CNKSR3: variants seen among roughly 807,000 people sequenced by gnomAD.
CNKSR3 encodes CNKSR family member 3.
CNKSR3 carries 36 observed loss-of-function variants against 67.7 expected under a neutral mutation model. The ratio of observed to expected loss-of-function variants is 0.53; its 90% CI spans 0.41 to 0.70. CNKSR3 has a LOEUF of 0.70. Among genes scored for constraint, CNKSR3 ranks in the 30% least tolerant of loss-of-function variants. The pLI, the probability that CNKSR3 is intolerant of heterozygous loss-of-function variation, is 0.00. For missense variants in CNKSR3, 630 were observed against 695.2 expected (o/e 0.91, Z 1.05); for synonymous variants, 281 against 271.4 (o/e 1.04, Z -0.35).
chr6:154,485,885 A>G (rs1027501403), intron 1 of CNKSR3, among the ~76,000 whole-genome samples: 1 of 152,216 alleles, frequency 6.6e-6, no homozygotes, highest in African/African-American at 2.4e-5. Context: ...TTGGCTCCCA[A>G]GAAGAACCGG....
At chr6:154,433,227 G>GA (rs1040142856) in intron 5 of CNKSR3, among the ~76,000 whole-genome samples, 18 of 150,504 alleles carry the variant, frequency 1.2e-4, no homozygotes, top group South Asian at 6.3e-4. Context: ...AAAATGTTCA[G>GA]AAAAAAAAAT....
chr6:154,475,634 A>G, intron 1 of CNKSR3, among the ~76,000 whole-genome samples: 1 of 151,928 alleles, frequency 6.6e-6, no homozygotes, highest in East Asian at 1.9e-4. Context: ...TGAAAGCTGC[A>G]CTCTCAGTCA....
chr6:154,476,457 C>CA (rs11332561), intron 1 of CNKSR3, among the ~76,000 whole-genome samples: 3,019 of 110,712 alleles, frequency 0.027, 78 homozygotes, highest in African/African-American at 0.068. Context: ...AACTATGTCT[C>CA]AAAAAAAAAA....
chr6:154,425,290 G>A (rs1262653290), intron 7 of CNKSR3, among the ~76,000 whole-genome samples: 1 of 152,310 alleles, frequency 6.6e-6, no homozygotes, highest in East Asian at 1.9e-4. Context: ...CTCTAGATGT[G>A]TAATCTTAAA....
chr6:154,409,608 T>C (rs77348479), intron 12 of CNKSR3, among the ~76,000 whole-genome samples: 3,336 of 152,246 alleles, frequency 0.022, 118 homozygotes, highest in African/African-American at 0.076. Flanking sequence ...ACACCAGCTA[T>C]TCAGGAAGCT....
At chr6:154,430,391 A>G in intron 6 of CNKSR3, 81 bp downstream of exon 6, 2 of 1,299,378 alleles carry the variant, frequency 1.5e-6, no homozygotes, top group South Asian at 3.0e-5. Context: ...TTATAGTGAA[A>G]GCAATAAGGA....
chr6:154,501,252 G>A lies in CNKSR3; in HGVS notation c.52+8811C>T, dbSNP rs552796785. The stretch of plus-strand genomic sequence containing the variant: ...CAACACCTGAATCCAAGACACCATC[G>A]CCTCCAGAATACTGCAATGCCTTCC... On this transcript the variant is annotated intron_variant, in intron 1 of 12. Coordinates refer to ENST00000607772, the MANE Select transcript of CNKSR3 (RefSeq NM_173515.4). Among the ~76,000 whole-genome samples, 43 of 152,196 alleles carry A rather than the reference G, an allele frequency of 2.8e-4. 1 individual carries two copies. In the South Asian group the frequency reaches 3.5e-3, roughly 12 times the overall value.
At chr6:154,476,128 C>T (rs1428606149) in intron 1 of CNKSR3, among the ~76,000 whole-genome samples, 4 of 152,042 alleles carry the variant, frequency 2.6e-5, no homozygotes, top group Non-Finnish European at 4.4e-5. Flanking sequence ...AAACCTATGC[C>T]ATCAAGTACA....
At chr6:154,465,575 G>A (rs1298358035) in intron 1 of CNKSR3, among the ~76,000 whole-genome samples, 1 of 152,176 alleles carries the variant, frequency 6.6e-6, no homozygotes, top group Non-Finnish European at 1.5e-5. Flanking sequence ...CACACCAGGG[G>A]ACTCACATTC....
intron 1 of CNKSR3, among the ~76,000 whole-genome samples, chr6:154,505,693 G>A (rs1787087120): frequency 6.7e-6 from 1 of 149,960 alleles, no homozygotes; most frequent in Non-Finnish European, 1.5e-5. Context: ...GTAGAGATGG[G>A]GTTTCACCAT....
chr6:154,489,693 G>C (rs1786747985), intron 1 of CNKSR3, among the ~76,000 whole-genome samples: 1 of 152,052 alleles, frequency 6.6e-6, no homozygotes, highest in Admixed American at 6.6e-5. Context: ...CCCTTCTTTG[G>C]GGGCGTGGGG....
rs1784903348 is a variant in CNKSR3, at chr6:154,411,115, T to C, written c.1098A>G (p.Gly366=). The C allele has an allele frequency of 6.2e-7, 1 of 1,612,266 alleles. No individual in the cohort carries two copies. The highest frequency in any genetic ancestry group is 2.2e-5 in the East Asian group (1 of 44,808). The change falls in exon 11 of 13, where the codon GGA becomes GGG. Residue 366 remains glycine, a synonymous_variant. Coordinates refer to ENST00000607772, the MANE Select transcript of CNKSR3 (RefSeq NM_173515.4). ...PRDENGSFVY[G]GSSKCKQPLP... is the part of the protein sequence containing the mutation. ...ATGGTTGTTTGCACTTACTGGACCC[T>C]CCATAAACAAAACTGCCATTCTCAT... is the stretch of plus-strand genomic sequence containing the variant.
chr6:154,477,671 T>C (rs1786482217), intron 1 of CNKSR3, among the ~76,000 whole-genome samples: 1 of 152,120 alleles, frequency 6.6e-6, no homozygotes, highest in Non-Finnish European at 1.5e-5. Context: ...GGAATGACAT[T>C]GATACTAGCT....
chr6:154,443,730 C>A (rs1178421741), intron 2 of CNKSR3, among the ~76,000 whole-genome samples: 1 of 152,118 alleles, frequency 6.6e-6, no homozygotes, highest in African/African-American at 2.4e-5. Flanking sequence ...GATATGGCTC[C>A]TGTTTGTACT....
At chr6:154,499,702 T>A (rs1436237445) in intron 1 of CNKSR3, among the ~76,000 whole-genome samples, 1 of 152,172 alleles carries the variant, frequency 6.6e-6, no homozygotes, top group African/African-American at 2.4e-5. Flanking sequence ...ACTCCTGGGC[T>A]CAAGCCATCC....
In CNKSR3 at chr6:154,399,224, C is replaced by T. The variant is rs1329100483; in HGVS notation, c.*7130G>A. The T allele has an allele frequency of 6.6e-6, 1 of 152,150 alleles. No homozygotes were observed. Among genetic ancestry groups the T allele is most frequent in the Non-Finnish European group, 1.5e-5 (1 of 68,030 alleles). 9.4% of individuals were successfully genotyped at this position (152,150 alleles called of 1,614,324 possible). A position where few individuals can be genotyped will look rare whatever the true frequency, so the allele number is the denominator to read the frequency against. On this transcript the variant is annotated 3_prime_UTR_variant, in exon 13 of 13. Coordinates refer to ENST00000607772, the MANE Select transcript of CNKSR3 (RefSeq NM_173515.4). ...ACACTGCAGCCCTCTGACAGTGTCA[C>T]ACTGGCATTATTTTGCTGCTTATGG... is the stretch of plus-strand genomic sequence containing the variant.
intron 1 of CNKSR3, among the ~76,000 whole-genome samples, chr6:154,499,754 G>C (rs970764693): frequency 6.6e-6 from 1 of 152,142 alleles, no homozygotes; most frequent in African/African-American, 2.4e-5. Context: ...ATAGGCGTGA[G>C]CCACTATGCC....
At position 154,506,379 on chromosome 6, in the gene CNKSR3, G is replaced by T. The variant is rs1787104086; in HGVS notation, c.52+3684C>A. Reference sequence around the variant, plus strand: ...AAGAAACAAAAGAAGGAAAAAGAAAGAAATTACAGCAACCAGCCTTCCCTG... The same window carrying T: ...AAGAAACAAAAGAAGGAAAAAGAAATAAATTACAGCAACCAGCCTTCCCTG... On this transcript the variant is annotated intron_variant, in intron 1 of 12. Coordinates refer to ENST00000607772, the MANE Select transcript of CNKSR3 (RefSeq NM_173515.4). 3.9e-5 allele frequency among the ~76,000 whole-genome samples: 6 copies of T among 152,154 alleles called. No homozygotes were observed. In the South Asian group the frequency reaches 1.2e-3, roughly 32 times the overall value.
chr6:154,490,614 C>T (rs1786767346), intron 1 of CNKSR3, among the ~76,000 whole-genome samples: 1 of 152,146 alleles, frequency 6.6e-6, no homozygotes, highest in African/African-American at 2.4e-5. Context: ...CCTTGGATCC[C>T]ACCTGCTTGG....
Sources: gnomAD v4.1 joint callset for allele counts (sites outside exome capture counted in the v4.1 genomes callset) on GRCh38, gnomAD v4.1.1 for gene constraint, MANE v1.5 for transcripts, NCBI Gene and HGNC (gene_info 2026-07-23, HGNC 2026-07-21) for gene names.